DLC1: variants seen among roughly 807,000 people sequenced by gnomAD.
DLC1 encodes rho GTPase-activating protein 7.
A neutral mutation model predicts 140.3 loss-of-function variants in DLC1; 54 were observed. That is an observed-to-expected ratio of 0.38 (90% CI 0.31 to 0.48). The LOEUF (loss-of-function observed/expected upper bound fraction) is 0.48. Among genes scored for constraint, DLC1 ranks in the 20% least tolerant of loss-of-function variants. DLC1 has a pLI of 0.96. For synonymous variants in DLC1, 986 were observed against 728.1 expected (o/e 1.35, Z -5.70); for missense variants, 2,536 against 1,907.0 (o/e 1.33, Z -6.14).
At chr8:13,459,955 C>A (rs139376172) in intron 2 of DLC1, among the ~76,000 whole-genome samples, 2 of 152,168 alleles carry the variant, frequency 1.3e-5, no homozygotes, top group East Asian at 3.9e-4. Flanking sequence ...CCGGGAAGGA[C>A]CTCCTGGTTC....
chr8:13,100,048 C>T lies in DLC1; in HGVS notation c.2289G>A (p.Arg763=). 6.2e-7 allele frequency: 1 copy of T among 1,613,278 alleles called. No homozygotes were observed. Among genetic ancestry groups the T allele is most frequent in the East Asian group, 2.2e-5 (1 of 44,876 alleles). ...CCCGCTTGTTGCACGCACTGAGGCT[C>T]CGGGTCCTCGTAACAGGGCTGGGCG... ...VSTPSPVTRT[R]SLSACNKRVG... Residue 763 remains arginine, a synonymous_variant, in exon 9 of 18, where the codon CGG becomes CGA. Transcript: ENST00000276297.
intron 9 of DLC1, among the ~76,000 whole-genome samples, 179 bp from the exon 10 acceptor site, chr8:13,098,754 T>A (rs1485069957): frequency 6.6e-6 from 1 of 152,246 alleles, no homozygotes; most frequent in African/African-American, 2.4e-5. Flanking sequence ...TAGCCAGGAC[T>A]GTAGGCCTGT....
rs1285548887 is a variant in DLC1, at chr8:13,501,442, CTT to C, written c.-125-1248_-125-1247del. ...AAAAATCCCATTCACAGAGCAGACACTTTTAGTTTTTACTTCACACGAGAACT... is the reference window on the plus strand; with the variant it reads ...AAAAATCCCATTCACAGAGCAGACACTTAGTTTTTACTTCACACGAGAACT... On this transcript the variant is annotated intron_variant, in intron 1 of 17. Transcript: ENST00000276297. Among the ~76,000 whole-genome samples the C allele has an allele frequency of 7.9e-5, 12 of 152,300 alleles. No homozygotes were observed. The East Asian group carries it at 2.1e-3, about 27-fold the overall frequency.
rs1397074074 is a variant in DLC1, at chr8:13,394,153, A to G, written c.1174-460T>C. On this transcript the variant is annotated intron_variant, in intron 3 of 17. Transcript: ENST00000276297. ...ATTTCTTCTTACCTCAATCTCTTCT[A>G]TGTTCCTATTCAACCTCTATGGTGA... 2.0e-5 allele frequency among the ~76,000 whole-genome samples: 3 copies of G among 152,280 alleles called. No homozygotes were observed. In the East Asian group the frequency reaches 5.8e-4, roughly 29 times the overall value.
chr8:13,423,974 C>T (rs903478291), intron 2 of DLC1, among the ~76,000 whole-genome samples: 3 of 152,014 alleles, frequency 2.0e-5, no homozygotes, highest in Non-Finnish European at 2.9e-5. Flanking sequence ...CTCAGCAAAA[C>T]GTAATCCAAA....
intron 5 of DLC1, among the ~76,000 whole-genome samples, chr8:13,291,084 T>G (rs1831739632): frequency 6.6e-6 from 1 of 152,182 alleles, no homozygotes; most frequent in Non-Finnish European, 1.5e-5. Context: ...ATTTTTTGTA[T>G]TTTTAGTAGA....
chr8:13,434,096 C>T (rs923558096), intron 2 of DLC1, among the ~76,000 whole-genome samples: 7 of 152,148 alleles, frequency 4.6e-5, no homozygotes, highest in African/African-American at 9.7e-5. Flanking sequence ...AGGCTTGTCG[C>T]GAACTTCTGA....
chr8:13,500,117 G>C lies in DLC1; in HGVS notation c.-46C>G. On this transcript the variant is annotated 5_prime_UTR_variant, in exon 2 of 18. Transcript: ENST00000276297. Reference sequence around the variant, plus strand: ...GACAGAGAGATATATTCCATATGAGGGTAAAGGAGATGGAACTTGATGAAA... The same window carrying C: ...GACAGAGAGATATATTCCATATGAGCGTAAAGGAGATGGAACTTGATGAAA... 3 of 1,477,882 alleles carry C rather than the reference G, an allele frequency of 2.0e-6. No homozygotes were observed. The highest frequency in any genetic ancestry group is 2.8e-6 in the Non-Finnish European group (3 of 1,081,756). The allele number at this position is 1,477,882 out of a possible 1,614,324, so 91.5% of individuals were successfully genotyped here. A position where few individuals can be genotyped will look rare whatever the true frequency, so the allele number is the denominator to read the frequency against.
At chr8:13,133,205 G>C in intron 5 of DLC1, 3 of 1,422,266 alleles carry the variant, frequency 2.1e-6, no homozygotes, top group East Asian at 5.2e-5. Flanking sequence ...CGAGAAGTCC[G>C]TGAGCCGGCG....
At chr8:13,191,229 A>T in intron 5 of DLC1, among the ~76,000 whole-genome samples, 1 of 152,184 alleles carries the variant, frequency 6.6e-6, no homozygotes, top group Non-Finnish European at 1.5e-5. Context: ...CTTATTGGCC[A>T]GGCACAGTGG....
At chr8:13,538,354 G>A (rs1803364868) in intron 1 of DLC1, among the ~76,000 whole-genome samples, 1 of 149,974 alleles carries the variant, frequency 6.7e-6, no homozygotes, top group Admixed American at 6.6e-5. Context: ...AAATAGTGGT[G>A]CCAGCACTGA....
At chr8:13,467,865 T>A (rs970788073) in intron 2 of DLC1, among the ~76,000 whole-genome samples, 1 of 152,220 alleles carries the variant, frequency 6.6e-6, no homozygotes, top group African/African-American at 2.4e-5. Context: ...ATATATAGAT[T>A]TTTCTAATAG....
intron 5 of DLC1, among the ~76,000 whole-genome samples, chr8:13,143,015 C>T (rs1338483388): frequency 2.0e-5 from 3 of 150,220 alleles, no homozygotes; most frequent in African/African-American, 7.4e-5. Context: ...TGCGCTCCAG[C>T]CTGGGCAACA....
rs200392347 is a variant in DLC1, at chr8:13,092,657, G to C, written c.3695C>G (p.Ser1232Cys). The C allele has an allele frequency of 1.1e-5, 17 of 1,614,084 alleles. No homozygotes were observed. The highest frequency in any genetic ancestry group is 1.6e-4 in the Middle Eastern group (1 of 6,080). ...PTNLAVCLAP[S>C]LFHLNTLKRE... is the part of the protein sequence containing the mutation. Reference sequence around the variant, plus strand: ...CTTCAGGGTGTTGAGATGGAAGAGGGAAGGCGCTAAGCACACGGCCAGGTT... The same window carrying C: ...CTTCAGGGTGTTGAGATGGAAGAGGCAAGGCGCTAAGCACACGGCCAGGTT... Residue 1232 changes from serine to cysteine, a missense_variant, in exon 13 of 18, where the codon TCC (serine) becomes TGC (cysteine). Coordinates refer to ENST00000276297, the MANE Select transcript of DLC1 (RefSeq NM_182643.3).
chr8:13,179,126 T>A (rs1594461), intron 5 of DLC1, among the ~76,000 whole-genome samples: 108,751 of 152,026 alleles, frequency 0.72, 40,404 homozygotes, highest in African/African-American at 0.91. Context: ...GCAAAATAAT[T>A]TGAAGAATTT....
chr8:13,290,017 C>T (rs187851327), intron 5 of DLC1, among the ~76,000 whole-genome samples: 33 of 152,040 alleles, frequency 2.2e-4, no homozygotes, highest in African/African-American at 8.0e-4. Flanking sequence ...TTTTCTTTTA[C>T]CTTGACTCTA....
rs140041282 is a variant in DLC1, at chr8:13,402,706, G to A, written c.1024-1087C>T. On this transcript the variant is annotated intron_variant, in intron 2 of 17. Transcript: ENST00000276297. ...TATCAGTACAGTGATTGCAGATTGA[G>A]GGTTCACTTTGGTGATGGTTCGTTG... Among the ~76,000 whole-genome samples the A allele has an allele frequency of 2.0e-4, 31 of 152,290 alleles. No individual in the cohort carries two copies. In the East Asian group the frequency reaches 5.2e-3, roughly 26 times the overall value.
chr8:13,324,880 G>C (rs1278862600), intron 4 of DLC1, among the ~76,000 whole-genome samples: 1 of 152,008 alleles, frequency 6.6e-6, no homozygotes, highest in Non-Finnish European at 1.5e-5. Flanking sequence ...TGTATTTCTA[G>C]GGTGACTATT....
At chr8:13,374,302 TC>T (rs1835864560) in intron 4 of DLC1, among the ~76,000 whole-genome samples, 1 of 106,642 alleles carries the variant, frequency 9.4e-6, no homozygotes, top group Non-Finnish European at 1.9e-5. Context: ...CATCTCAAAT[TC>T]TTTTTTTTTA....
Sources: gnomAD v4.1 joint callset for allele counts (sites outside exome capture counted in the v4.1 genomes callset) on GRCh38, gnomAD v4.1.1 for gene constraint, MANE v1.5 for transcripts, NCBI Gene and HGNC (gene_info 2026-07-23, HGNC 2026-07-21) for gene names.